Variants in ESRRB observed in about 807,000 individuals in gnomAD.
ESRRB encodes steroid hormone receptor ERR2.
In ESRRB, 16 loss-of-function variants were observed where a neutral mutation model predicts 46.0. The observed-to-expected ratio is 0.35, with a 90% confidence interval of 0.24 to 0.53. ESRRB has a LOEUF of 0.53. ESRRB is among the 20% of genes least tolerant of loss of function. The pLI is 0.93. For missense variants in ESRRB, 488 were observed against 607.4 expected (o/e 0.80, Z 2.07); for synonymous variants, 246 against 259.6 (o/e 0.95, Z 0.50).
At chr14:76,343,424 T>G (rs1210036281) in intron 1 of ESRRB, among the ~76,000 whole-genome samples, 1 of 152,238 alleles carries the variant, frequency 6.6e-6, no homozygotes, top group East Asian at 1.9e-4. Flanking sequence ...CTTAGTGTCT[T>G]AAAATATCAA....
intron 3 of ESRRB, among the ~76,000 whole-genome samples, chr14:76,468,416 C>CCA (rs397720975): frequency 1.5e-5 from 2 of 132,966 alleles, no homozygotes; most frequent in African/African-American, 2.8e-5. Flanking sequence ...CACCACCCCC[C>CCA]AAACACGCAC....
chr14:76,351,679 G>A (rs1442595113), intron 1 of ESRRB, among the ~76,000 whole-genome samples: 1 of 152,152 alleles, frequency 6.6e-6, no homozygotes, highest in East Asian at 1.9e-4. Context: ...GAAGGTGAAG[G>A]AATATTATCT....
At chr14:76,361,009 C>A (rs1884456174) in intron 1 of ESRRB, among the ~76,000 whole-genome samples, 1 of 152,250 alleles carries the variant, frequency 6.6e-6, no homozygotes, top group Non-Finnish European at 1.5e-5. Flanking sequence ...TATACCCATG[C>A]ACCTAACACA....
At chr14:76,468,534 G>GCT (rs1889224620) in intron 3 of ESRRB, among the ~76,000 whole-genome samples, 3 of 151,940 alleles carry the variant, frequency 2.0e-5, no homozygotes, top group Non-Finnish European at 4.4e-5. Flanking sequence ...GAATGAAGAC[G>GCT]AAGGAGATGA....
chr14:76,372,472 T>C (rs1884648135), upstream of ESRRB, among the ~76,000 whole-genome samples: 1 of 152,018 alleles, frequency 6.6e-6, no homozygotes, highest in Non-Finnish European at 1.5e-5. Context: ...CGTGTTGTAT[T>C]GGACAGTTCT....
upstream of ESRRB, among the ~76,000 whole-genome samples, chr14:76,369,684 G>C (rs1207852904): frequency 6.6e-6 from 1 of 151,984 alleles, no homozygotes; most frequent in Non-Finnish European, 1.5e-5. Flanking sequence ...AAAATAATTG[G>C]GTACAATGAA....
At chr14:76,463,777 A>G (rs150928538) in intron 3 of ESRRB, among the ~76,000 whole-genome samples, 1,667 of 152,144 alleles carry the variant, frequency 0.011, 26 homozygotes, top group Middle Eastern at 0.017. Context: ...TGTGACTACT[A>G]GAAAATTTGA....
At position 76,401,836 on chromosome 14, in the gene ESRRB, C is replaced by T. The variant is rs545631134; in HGVS notation, c.50+25385C>T. 6.6e-5 allele frequency among the ~76,000 whole-genome samples: 10 copies of T among 152,230 alleles called. No homozygotes were observed. In the South Asian group the frequency reaches 1.9e-3, roughly 28 times the overall value. On this transcript the variant is annotated intron_variant, in intron 1 of 6. Coordinates refer to ENST00000644823, the MANE Select transcript of ESRRB (RefSeq NM_001379180.1). ...AATGGATGACTGTGTGTGTATATAT[C>T]CTTTATTTATGTATATAAAGAGATT...
Position 76,413,814 on chromosome 14 carries a change from G to A in ESRRB, c.51-25527G>A, listed in dbSNP as rs372115575. 1.7e-4 allele frequency among the ~76,000 whole-genome samples: 26 copies of A among 150,728 alleles called. 1 individual carries two copies. The East Asian group carries it at 4.9e-3, about 29-fold the overall frequency. ...ATCCCCAGCCACATGCAGCAGAGGC[G>A]GCCCCCGCACCGTCCCCCACCCCGT... On this transcript the variant is annotated intron_variant, in intron 1 of 6. Coordinates refer to ENST00000644823, the MANE Select transcript of ESRRB (RefSeq NM_001379180.1).
rs1890608586 is a variant in ESRRB at position 76,500,123 on chromosome 14, C to A, written c.*1665C>A. On this transcript the variant is annotated 3_prime_UTR_variant, in exon 7 of 7. Transcript: ENST00000644823. ...TGGTCCCACCTCCTTGGCTCTACCC[C>A]AGGAACCTCCCGGCCTGGGCTTCTG... 7.0e-7 allele frequency: 1 copy of A among 1,434,190 alleles called. No individual in the cohort carries two copies. Among genetic ancestry groups the A allele is most frequent in the Non-Finnish European group, 9.5e-7 (1 of 1,051,514 alleles). The allele number at this position is 1,434,190 out of a possible 1,614,324, so 88.8% of individuals were successfully genotyped here.
At position 76,493,778 on chromosome 14, in the gene ESRRB, G is replaced by A. The variant is rs75163909; in HGVS notation, c.1120+2062G>A. ...GGTGCATGCAGGGGGTGCTGTTGAT[G>A]ACCCACTTGGATCCCTTTTACTGGG... On this transcript the variant is annotated intron_variant, in intron 6 of 6. Transcript: ENST00000644823. Among the ~76,000 whole-genome samples, 46 of 152,340 alleles carry A rather than the reference G, an allele frequency of 3.0e-4. No homozygotes were observed. In the East Asian group the frequency reaches 8.7e-3, roughly 29 times the overall value.
At chr14:76,378,103 A>G (rs539553355) in intron 1 of ESRRB, among the ~76,000 whole-genome samples, 1 of 152,332 alleles carries the variant, frequency 6.6e-6, no homozygotes, top group South Asian at 2.1e-4. Context: ...CTTACATAAA[A>G]TGATCAAGTA....
At chr14:76,462,103 G>C (rs973747050) in intron 2 of ESRRB, among the ~76,000 whole-genome samples, 1 of 152,230 alleles carries the variant, frequency 6.6e-6, no homozygotes, top group East Asian at 1.9e-4. Context: ...GGTGGACGCA[G>C]AGTTTCCAGG....
In ESRRB at chr14:76,482,255, A is replaced by G; in HGVS notation, c.688+129A>G. On this transcript the variant is annotated intron_variant, in intron 4 of 6. Coordinates refer to ENST00000644823, the MANE Select transcript of ESRRB (RefSeq NM_001379180.1). The surrounding 1 kb of genome is among the most constrained non-coding windows in gnomAD (Gnocchi z 4.3). The stretch of plus-strand genomic sequence containing the variant: ...ATGTGGATCTTGGGGAGGTGACATC[A>G]GTGCCTGGCACATTTAGAATGTGGC... 1.3e-6 allele frequency: 1 copy of G among 768,408 alleles called. No homozygotes were observed. The highest frequency in any genetic ancestry group is 2.3e-6 in the Non-Finnish European group (1 of 444,256). The allele number at this position is 768,408 out of a possible 1,614,324, so 47.6% of individuals were successfully genotyped here. A position where few individuals can be genotyped will look rare whatever the true frequency, so the allele number is the denominator to read the frequency against.
At chr14:76,331,512 G>C (rs1287426313) in intron 1 of ESRRB, among the ~76,000 whole-genome samples, 1 of 152,132 alleles carries the variant, frequency 6.6e-6, no homozygotes, top group Non-Finnish European at 1.5e-5. Flanking sequence ...GTGTGTGGTT[G>C]GGGGAGAGGC....
rs1269858825 is a variant in ESRRB, at chr14:76,436,630, G to C, written c.51-2711G>C. Among the ~76,000 whole-genome samples, 3 of 152,208 alleles carry C rather than the reference G, an allele frequency of 2.0e-5. No individual in the cohort carries two copies. The East Asian group carries it at 5.8e-4, about 29-fold the overall frequency. On this transcript the variant is annotated intron_variant, in intron 1 of 6. Transcript: ENST00000644823. ...CGTGGAAGGGTGCCTGAGGAGCAAG[G>C]TGCGCCCCTGTTGGCTCATCACATG... is the stretch of plus-strand genomic sequence containing the variant.
In ESRRB at chr14:76,403,813, G is replaced by A. The variant is rs935958330; in HGVS notation, c.50+27362G>A. Among the ~76,000 whole-genome samples, 10 of 152,008 alleles carry A rather than the reference G, an allele frequency of 6.6e-5. No individual in the cohort carries two copies. The South Asian group carries it at 1.0e-3, about 16-fold the overall frequency. Reference sequence around the variant, plus strand: ...ACAATCTCAGTTCACTGCAACCTCCGCCTCCTGGGTTCAAACGATTCTCCT... The same window carrying A: ...ACAATCTCAGTTCACTGCAACCTCCACCTCCTGGGTTCAAACGATTCTCCT... On this transcript the variant is annotated intron_variant, in intron 1 of 6. Transcript: ENST00000644823.
chr14:76,345,799 T>C (rs542323927), intron 1 of ESRRB, among the ~76,000 whole-genome samples: 222 of 152,340 alleles, frequency 1.5e-3, no homozygotes, highest in African/African-American at 5.1e-3. Context: ...ACCCAATTAA[T>C]AAAGCCAAGA....
At chr14:76,319,552 G>A (rs2139725274) in intron 1 of ESRRB, among the ~76,000 whole-genome samples, 1 of 152,216 alleles carries the variant, frequency 6.6e-6, no homozygotes. Context: ...ATTTACTCTA[G>A]GGCACTCAAT....
Sources: allele counts gnomAD v4.1 joint callset (sites outside exome capture counted in the v4.1 genomes callset), GRCh38; gene constraint gnomAD v4.1.1; non-coding constraint Gnocchi (gnomAD v3.1); transcripts MANE v1.5; gene names NCBI Gene and HGNC (gene_info 2026-07-23, HGNC 2026-07-21).